Variants in ACLY observed in about 807,000 individuals in gnomAD.
The protein encoded by ACLY is ATP-citrate synthase.
A neutral mutation model predicts 133.0 loss-of-function variants in ACLY; 41 were observed. The observed-to-expected ratio is 0.31, with a 90% CI of 0.24 to 0.40. ACLY has a LOEUF of 0.40. Ranked by LOEUF, ACLY falls within the 10% of genes least tolerant of loss-of-function variation. The pLI is 1.00. For missense variants in ACLY, 1,046 were observed against 1,453.8 expected (o/e 0.72, Z 4.56); for synonymous variants, 495 against 549.3 (o/e 0.90, Z 1.38).
chr17:41,882,115 T>C (rs1654977677), intron 20 of ACLY, among the ~76,000 whole-genome samples: 1 of 151,902 alleles, frequency 6.6e-6, no homozygotes, highest in Admixed American at 6.6e-5. Flanking sequence ...ACGCCTGTAA[T>C]CCCAGCGCTT....
intron 28 of ACLY, 56 bp from the exon 29 acceptor site, chr17:41,867,960 A>G: frequency 7.7e-7 from 1 of 1,297,610 alleles, no homozygotes; most frequent in Non-Finnish European, 1.1e-6. Flanking sequence ...TGGTGAGAGG[A>G]AGAGGCTAAG....
chr17:41,904,453 T>C (rs1598027407), intron 10 of ACLY: 2 of 474,370 alleles, frequency 4.2e-6, no homozygotes, highest in African/African-American at 3.9e-5. Context: ...GCATTGGTCC[T>C]GAGAAGGAAG....
At chr17:41,872,457 C>G (rs565905201) in intron 23 of ACLY, among the ~76,000 whole-genome samples, 1 of 152,268 alleles carries the variant, frequency 6.6e-6, no homozygotes, top group East Asian at 1.9e-4. Context: ...TCCCAAGTAG[C>G]TGGGACTACA....
chr17:41,900,093 A>AAT (rs2049491883), intron 11 of ACLY, among the ~76,000 whole-genome samples: 2 of 139,792 alleles, frequency 1.4e-5, no homozygotes, highest in African/African-American at 5.6e-5. Context: ...AAAAAAAAAA[A>AAT]AAATTGCCTA....
rs781955124 is a variant in ACLY, at chr17:41,873,873, A to G, written c.2580T>C (p.Thr860=). 7 of 1,608,584 alleles carry G rather than the reference A, an allele frequency of 4.4e-6. No homozygotes were observed. The East Asian group carries it at 1.6e-4, about 36-fold the overall frequency. The change falls in exon 23 of 29, where the codon ACT becomes ACC. Residue 860 remains threonine (T), a synonymous_variant. Transcript: ENST00000352035. ...QELIYAGMPI[T]EVFKEEMGIG... is the part of the protein sequence containing the mutation. ...TGCCCATCTCTTCCTTGAAGACCTC[A>G]GTGATGGGCATGCCCGCGTAGATGA...
At chr17:41,907,362 G>A (rs2049750853) in intron 7 of ACLY, 80 bp downstream of exon 7, 3 of 1,393,098 alleles carry the variant, frequency 2.2e-6, no homozygotes, top group Non-Finnish European at 3.0e-6. Flanking sequence ...TCATGAAGGG[G>A]GGCCAAATGC....
At chr17:41,896,731 G>A (rs1306643123) in intron 13 of ACLY, 82 bp from the exon 14 acceptor site, 33 of 1,330,374 alleles carry the variant, frequency 2.5e-5, no homozygotes, top group East Asian at 5.2e-5. Flanking sequence ...AACAGGGAAG[G>A]GTCCCATGGA....
In ACLY at chr17:41,913,706, A is replaced by G. The variant is rs2049969931; in HGVS notation, c.159+9T>C. Reference sequence around the variant, plus strand: ...TGGAAGAAAGGCCCAAAGTGGAGGCAGGGCTCACCTGGCTGAGCAGCCAGG... The same window carrying G: ...TGGAAGAAAGGCCCAAAGTGGAGGCGGGGCTCACCTGGCTGAGCAGCCAGG... On this transcript the variant is annotated intron_variant, in intron 2 of 28. Coordinates refer to ENST00000352035, the MANE Select transcript of ACLY (RefSeq NM_001096.3). The G allele has an allele frequency of 1.2e-6, 2 of 1,613,174 alleles. No individual in the cohort carries two copies. Among genetic ancestry groups the G allele is most frequent in the Non-Finnish European group, 1.7e-6 (2 of 1,179,606 alleles).
intron 1 of ACLY, among the ~76,000 whole-genome samples, chr17:41,925,138 C>T (rs1409873106): frequency 2.0e-5 from 3 of 151,692 alleles, no homozygotes; most frequent in Non-Finnish European, 4.4e-5. Context: ...TGGGTTCAAG[C>T]GATTCTCCTG....
At chr17:41,910,312 T>C in intron 3 of ACLY, 28 bp from the exon 4 acceptor site, 2 of 1,594,880 alleles carry the variant, frequency 1.3e-6, no homozygotes, top group Non-Finnish European at 1.7e-6. Context: ...GAGATGAAAC[T>C]CAGAGGGACA....
intron 24 of ACLY, 96 bp downstream of exon 24, chr17:41,871,936 A>C: frequency 6.3e-7 from 1 of 1,592,750 alleles, no homozygotes; most frequent in Non-Finnish European, 8.6e-7. Context: ...TGGGTTTTAC[A>C]CTCAGGGGCT....
chr17:41,909,289 G>C (rs1232970844), intron 5 of ACLY, among the ~76,000 whole-genome samples: 1 of 152,176 alleles, frequency 6.6e-6, no homozygotes, highest in Non-Finnish European at 1.5e-5. Context: ...AGGCAGAGGT[G>C]TCAGACAGAC....
At chr17:41,916,927 G>A (rs1003981575) in intron 1 of ACLY, among the ~76,000 whole-genome samples, 2 of 151,706 alleles carry the variant, frequency 1.3e-5, no homozygotes, top group African/African-American at 2.4e-5. Flanking sequence ...GGCAAATCAC[G>A]AGGTCAGGAG....
Position 41,910,289 on chromosome 17 carries a change from A to G in ACLY, c.283-5T>C. ...GAAGCCTGTGGCCTTGCCAACCTACAGAAAAATTGAGGGAGATGAAACTCA... is the reference window on the plus strand; with the variant it reads ...GAAGCCTGTGGCCTTGCCAACCTACGGAAAAATTGAGGGAGATGAAACTCA... On this transcript the variant is annotated splice_region_variant and splice_polypyrimidine_tract_variant and intron_variant, in intron 3 of 28. Transcript: ENST00000352035. 6.2e-7 allele frequency: 1 copy of G among 1,613,238 alleles called. No homozygotes were observed. The highest frequency in any genetic ancestry group is 8.5e-7 in the Non-Finnish European group (1 of 1,179,628).
intron 20 of ACLY, among the ~76,000 whole-genome samples, 163 bp from the exon 21 acceptor site, chr17:41,879,087 C>T (rs2048837431): frequency 6.6e-6 from 1 of 152,094 alleles, no homozygotes; most frequent in African/African-American, 2.4e-5. Flanking sequence ...GACAAGGAAA[C>T]CAAAGCACAG....
chr17:41,891,900 G>A (rs2049223948), intron 16 of ACLY, among the ~76,000 whole-genome samples: 1 of 152,068 alleles, frequency 6.6e-6, no homozygotes, highest in African/African-American at 2.4e-5. Flanking sequence ...AATGGGTCTC[G>A]CTTTATTGCT....
At chr17:41,870,729 C>G (rs782811283) in intron 25 of ACLY, 1 of 152,246 alleles carries the variant, frequency 6.6e-6, no homozygotes, top group African/African-American at 2.4e-5. Context: ...TGGTCTCTCC[C>G]AATCAGATAT....
At chr17:41,917,598 C>CA (rs1288378812) in intron 1 of ACLY, among the ~76,000 whole-genome samples, 2 of 152,160 alleles carry the variant, frequency 1.3e-5, no homozygotes, top group African/African-American at 4.8e-5. Context: ...CTGGGAAAGA[C>CA]AAAAACACTC....
At chr17:41,868,823 C>G in intron 27 of ACLY, 38 bp from the exon 28 acceptor site, 1 of 1,587,664 alleles carries the variant, frequency 6.3e-7, no homozygotes, top group Middle Eastern at 1.7e-4. Context: ...AAAAGGCTCA[C>G]GTGACTGCCC....
Sources: gnomAD v4.1 joint callset for allele counts (sites outside exome capture counted in the v4.1 genomes callset) on GRCh38, gnomAD v4.1.1 for gene constraint, MANE v1.5 for transcripts, NCBI Gene and HGNC (gene_info 2026-07-23, HGNC 2026-07-21) for gene names.